XKR9: variants seen among roughly 807,000 people sequenced by gnomAD.
The protein encoded by XKR9 is XK-related protein 9.
XKR9 carries 32 observed loss-of-function variants against 32.0 expected under a neutral mutation model. The ratio of observed to expected loss-of-function variants is 1.00; its 90% confidence interval spans 0.76 to 1.34. The LOEUF (loss-of-function observed/expected upper bound fraction) is 1.34. Ranked by LOEUF, XKR9 falls within the 40% of genes most tolerant of loss-of-function variation. XKR9 has a pLI of 0.00. For synonymous variants in XKR9, 168 were observed against 143.4 expected (o/e 1.17, Z -1.22); for missense variants, 546 against 429.7 (o/e 1.27, Z -2.39).
At chr8:71,012,042 A>C in the XKR9 span, among the ~76,000 whole-genome samples, 14 of 151,762 alleles carry the variant, frequency 9.2e-5, no homozygotes, top group Non-Finnish European at 1.9e-4. Flanking sequence ...GGGGAAAAAA[A>C]AACCCTCTTC....
the XKR9 span, among the ~76,000 whole-genome samples, chr8:71,060,603 C>T: frequency 6.6e-6 from 1 of 152,122 alleles, no homozygotes; most frequent in African/African-American, 2.4e-5. Flanking sequence ...GATGCCTGGA[C>T]AGAAATGGCA....
At chr8:70,973,210 C>A in the XKR9 span, among the ~76,000 whole-genome samples, 1 of 152,032 alleles carries the variant, frequency 6.6e-6, no homozygotes, top group Admixed American at 6.6e-5. Context: ...TATATTTTCA[C>A]AAATTTATCT....
At chr8:70,950,912 G>T in the XKR9 span, among the ~76,000 whole-genome samples, 1 of 152,226 alleles carries the variant, frequency 6.6e-6, no homozygotes, top group South Asian at 2.1e-4. Flanking sequence ...GACCTCGAGT[G>T]ATCTGCTCAC....
the XKR9 span, among the ~76,000 whole-genome samples, chr8:70,886,806 T>C: frequency 1.3e-5 from 2 of 152,146 alleles, no homozygotes; most frequent in African/African-American, 4.8e-5. Flanking sequence ...GGTGGAGAGA[T>C]TGCAAAAATT....
At chr8:70,722,127 T>G (rs1488052333) in intron 4 of XKR9, among the ~76,000 whole-genome samples, 2 of 149,240 alleles carry the variant, frequency 1.3e-5, no homozygotes, top group East Asian at 3.9e-4. Context: ...AACCCCTGAT[T>G]TTTTTTTTTT....
the XKR9 span, among the ~76,000 whole-genome samples, chr8:70,804,120 A>G: frequency 6.6e-6 from 1 of 152,198 alleles, no homozygotes; most frequent in Non-Finnish European, 1.5e-5. Context: ...CCTGCCATGC[A>G]GGTATATCCT....
intron 4 of XKR9, among the ~76,000 whole-genome samples, chr8:70,733,543 A>G (rs553768560): frequency 6.6e-6 from 1 of 152,090 alleles, no homozygotes; most frequent in Non-Finnish European, 1.5e-5. Context: ...GGATAAATCT[A>G]TCCACTTTGG....
At chr8:71,025,772 T>C in the XKR9 span, among the ~76,000 whole-genome samples, 4 of 152,212 alleles carry the variant, frequency 2.6e-5, no homozygotes, top group Non-Finnish European at 4.4e-5. Context: ...TCTGTTCTAC[T>C]AAAGGAAGTC....
chr8:70,925,600 G>A, the XKR9 span, among the ~76,000 whole-genome samples: 1 of 152,182 alleles, frequency 6.6e-6, no homozygotes, highest in African/African-American at 2.4e-5. Flanking sequence ...TGGCATAATA[G>A]GAGAAATGTC....
At chr8:70,699,081 T>A (rs940257439) in intron 3 of XKR9, among the ~76,000 whole-genome samples, 2 of 152,212 alleles carry the variant, frequency 1.3e-5, no homozygotes, top group African/African-American at 4.8e-5. Flanking sequence ...TGTGTGTCTC[T>A]GCACGTGAGA....
At chr8:70,802,467 G>C in the XKR9 span, among the ~76,000 whole-genome samples, 1 of 152,134 alleles carries the variant, frequency 6.6e-6, no homozygotes, top group African/African-American at 2.4e-5. Flanking sequence ...GGGGCATTTA[G>C]CCCATTTACA....
At chr8:70,752,256 C>T (rs760218498) in intron 2 of XKR9, among the ~76,000 whole-genome samples, 2 of 152,128 alleles carry the variant, frequency 1.3e-5, no homozygotes, top group Admixed American at 6.5e-5. Context: ...TTAAAAATTT[C>T]GATGAAGTCT....
intron 2 of XKR9, among the ~76,000 whole-genome samples, chr8:70,744,614 T>A (rs1283579045): frequency 6.6e-6 from 1 of 152,186 alleles, no homozygotes; most frequent in Non-Finnish European, 1.5e-5. Context: ...ATTTAAAAAT[T>A]ATTATTTTTG....
chr8:70,850,238 G>T, the XKR9 span, among the ~76,000 whole-genome samples: 23 of 152,058 alleles, frequency 1.5e-4, no homozygotes, highest in African/African-American at 5.3e-4. Context: ...GAGGCAGGCG[G>T]ATCACTAGGT....
At chr8:71,023,302 G>T in the XKR9 span, among the ~76,000 whole-genome samples, 1 of 152,114 alleles carries the variant, frequency 6.6e-6, no homozygotes, top group Non-Finnish European at 1.5e-5. Flanking sequence ...GTGTTGGCTG[G>T]GTAGAGCGCT....
intron 2 of XKR9, among the ~76,000 whole-genome samples, chr8:70,752,898 G>T (rs1807162568): frequency 6.6e-6 from 1 of 152,064 alleles, no homozygotes; most frequent in Non-Finnish European, 1.5e-5. Flanking sequence ...CTAGCAGAAG[G>T]CAAGAAATAA....
the XKR9 span, among the ~76,000 whole-genome samples, chr8:70,880,595 C>G: frequency 6.6e-6 from 1 of 152,134 alleles, no homozygotes; most frequent in Non-Finnish European, 1.5e-5. Context: ...AGGAGAACAA[C>G]AAACCACTGC....
chr8:71,050,249 A>ATC, the XKR9 span, among the ~76,000 whole-genome samples: 1 of 122,970 alleles, frequency 8.1e-6, no homozygotes, highest in Non-Finnish European at 1.6e-5. Flanking sequence ...ATATATATAT[A>ATC]TATATATATA....
the XKR9 span, among the ~76,000 whole-genome samples, chr8:71,001,970 A>G: frequency 6.6e-6 from 1 of 152,210 alleles, no homozygotes; most frequent in Non-Finnish European, 1.5e-5. Context: ...GATCAGCCTT[A>G]AAAAGGTAGA....
Sources: gnomAD v4.1 joint callset for allele counts (sites outside exome capture counted in the v4.1 genomes callset) on GRCh38, gnomAD v4.1.1 for gene constraint, MANE v1.5 for transcripts, NCBI Gene and HGNC (gene_info 2026-07-23, HGNC 2026-07-21) for gene names.